Variants in USP9X observed in about 807,000 individuals in gnomAD.
USP9X encodes ubiquitin carboxyl-terminal hydrolase 9X.
In USP9X, 7 loss-of-function variants were observed where a neutral mutation model predicts 190.3. That is an observed-to-expected ratio of 0.04 (90% CI 0.02 to 0.07). The LOEUF is 0.07. Among genes scored for constraint, USP9X ranks in the 10% least tolerant of loss-of-function variants. The pLI is 1.00. For missense variants in USP9X, 1,010 were observed against 1,916.9 expected (o/e 0.53, Z 8.83); for synonymous variants, 645 against 659.5 (o/e 0.98, Z 0.34).
chrX:41,131,370 G>A (rs1189053328), intron 3 of USP9X, 87 bp from the exon 4 acceptor site: 2 of 661,184 alleles, frequency 3.0e-6, no homozygotes, highest in Non-Finnish European at 4.4e-6. Flanking sequence ...TATTTTCATA[G>A]CAAGATAATT....
At chrX:41,168,357 A>T in intron 18 of USP9X, 139 bp downstream of exon 18, 5 of 528,675 alleles carry the variant, frequency 9.5e-6, no homozygotes, top group East Asian at 4.1e-5. Context: ...ATTTCATCTA[A>T]TTTTTTTTAA....
intron 1 of USP9X, among the ~76,000 whole-genome samples, chrX:41,097,439 A>G (rs1424236686): frequency 9.0e-6 from 1 of 111,554 alleles, no homozygotes; most frequent in Non-Finnish European, 1.9e-5. Flanking sequence ...AGTCATTCTC[A>G]AACTTGGTCT....
At chrX:41,156,646 T>C (rs1374392596) in intron 14 of USP9X, among the ~76,000 whole-genome samples, 1 of 111,688 alleles carries the variant, frequency 9.0e-6, no homozygotes, top group Non-Finnish European at 1.9e-5. Context: ...CAGCACCTGC[T>C]CTTAAGGCAG....
intron 1 of USP9X, among the ~76,000 whole-genome samples, chrX:41,106,859 T>A (rs1263098424): frequency 9.8e-6 from 1 of 102,484 alleles, no homozygotes; most frequent in African/African-American, 3.6e-5. Context: ...TAAATTTGGT[T>A]GATAGTTTTC....
intron 1 of USP9X, among the ~76,000 whole-genome samples, chrX:41,095,008 C>G (rs12690271): frequency 0.19 from 20,751 of 107,918 alleles, 1,587 homozygotes; most frequent in Admixed American, 0.26. Context: ...GTACTGCACT[C>G]CGTCTAGCCT....
chrX:41,199,735 T>TA (rs1450731791), intron 30 of USP9X, among the ~76,000 whole-genome samples: 1 of 111,981 alleles, frequency 8.9e-6, no homozygotes, highest in Non-Finnish European at 1.9e-5. Flanking sequence ...GGCCCAGACT[T>TA]AAAACTTTAA....
At chrX:41,181,272 CTTTTTT>C (rs769952292) in intron 21 of USP9X, among the ~76,000 whole-genome samples, 1 of 75,433 alleles carries the variant, frequency 1.3e-5, no homozygotes, top group African/African-American at 4.9e-5. Flanking sequence ...TTTCTCATTT[CTTTTTT>C]TTTTTTTTTT....
chrX:41,146,684 TG>T (rs1379769677), intron 11 of USP9X, among the ~76,000 whole-genome samples: 981 of 38,184 alleles, frequency 0.026, 84 homozygotes, highest in African/African-American at 0.085. Context: ...TTTTTTTTTT[TG>T]GGTGAATGCC....
intron 10 of USP9X, among the ~76,000 whole-genome samples, 193 bp downstream of exon 10, chrX:41,143,636 C>T (rs1231494145): frequency 1.8e-5 from 2 of 111,682 alleles, no homozygotes; most frequent in African/African-American, 6.5e-5. Flanking sequence ...ATTCTTTTAT[C>T]TGTATTTGAT....
At chrX:41,136,546 G>T (rs929087069) in intron 5 of USP9X, among the ~76,000 whole-genome samples, 3 of 112,108 alleles carry the variant, frequency 2.7e-5, no homozygotes, top group Non-Finnish European at 5.6e-5. Context: ...CTTACCTGTG[G>T]ACGTAGAGCA....
At chrX:41,198,318 AATTT>A (rs1358511128) in intron 29 of USP9X, among the ~76,000 whole-genome samples, 2 of 112,358 alleles carry the variant, frequency 1.8e-5, no homozygotes, top group African/African-American at 3.2e-5. Flanking sequence ...AATATTTACA[AATTT>A]ATTTAACCTG....
At chrX:41,230,423 T>C (rs2063350736) in intron 43 of USP9X, 78 bp from the exon 44 acceptor site, 1 of 986,215 alleles carries the variant, frequency 1.0e-6, no homozygotes, top group Admixed American at 2.6e-5. Context: ...ATTTTTAAAA[T>C]TTATTTCAAA....
intron 28 of USP9X, among the ~76,000 whole-genome samples, 182 bp downstream of exon 28, chrX:41,196,920 A>G (rs1165603171): frequency 1.8e-5 from 2 of 112,343 alleles, no homozygotes; most frequent in Non-Finnish European, 3.8e-5. Flanking sequence ...ATGCATATCT[A>G]GTTTAGTAAA....
Position 41,232,665 on chromosome X carries a change from C to A in USP9X, c.*141C>A, listed in dbSNP as rs1209250978. On this transcript the variant is annotated 3_prime_UTR_variant, in exon 45 of 45. Transcript: ENST00000378308. ...GTGGAGAGTTTATTCACTGTCTTAT[C>A]TGCAGAAATTTGCTGTCAATATATA... 1.2e-6 allele frequency: 1 copy of A among 860,109 alleles called. No individual in the cohort carries two copies. Among genetic ancestry groups the A allele is most frequent in the Non-Finnish European group, 1.6e-6 (1 of 631,684 alleles). 70.9% of individuals were successfully genotyped at this position (860,109 alleles called of 1,213,427 possible). A position where few individuals can be genotyped will look rare whatever the true frequency, so the allele number is the denominator to read the frequency against.
intron 38 of USP9X, among the ~76,000 whole-genome samples, chrX:41,220,437 G>A (rs929255740): frequency 1.8e-5 from 2 of 112,304 alleles, no homozygotes; most frequent in Non-Finnish European, 3.8e-5. Context: ...GATCAGATAT[G>A]CATTGGGATT....
intron 1 of USP9X, among the ~76,000 whole-genome samples, chrX:41,107,542 A>G (rs2062079637): frequency 8.9e-6 from 1 of 112,123 alleles, no homozygotes; most frequent in Non-Finnish European, 1.9e-5. Context: ...AATTTGTCGA[A>G]CTTCCTGCGT....
chrX:41,119,227 G>T (rs2062172719), intron 1 of USP9X, among the ~76,000 whole-genome samples: 1 of 111,122 alleles, frequency 9.0e-6, no homozygotes, highest in African/African-American at 3.3e-5. Flanking sequence ...TGGAAGGTGA[G>T]ATGGGCGGGG....
chrX:41,095,745 A>C (rs747357642), intron 1 of USP9X, among the ~76,000 whole-genome samples: 1 of 112,071 alleles, frequency 8.9e-6, no homozygotes, highest in South Asian at 3.7e-4. Flanking sequence ...TGAGAGATGT[A>C]CTTTGAAGTT....
chrX:41,195,882 G>A, intron 26 of USP9X: 1 of 340,090 alleles, frequency 2.9e-6, no homozygotes, highest in Non-Finnish European at 5.7e-6. Context: ...CAGAGCTGTT[G>A]TGCAGAACCA....
Sources: allele counts gnomAD v4.1 joint callset (sites outside exome capture counted in the v4.1 genomes callset), GRCh38; gene constraint gnomAD v4.1.1; transcripts MANE v1.5; gene names NCBI Gene and HGNC (gene_info 2026-07-23, HGNC 2026-07-21).